Variants in SYNE2 observed in about 807,000 individuals in gnomAD.
SYNE2 encodes the protein nesprin-2.
In SYNE2, 431 loss-of-function variants were observed where a neutral mutation model predicts 856.3. That is an observed-to-expected ratio of 0.50 (90% CI 0.47 to 0.55). The LOEUF is 0.55. Ranked by LOEUF, SYNE2 falls within the 20% of genes least tolerant of loss-of-function variation. The pLI is 0.00. For missense variants in SYNE2, 8,129 were observed against 8,023.2 expected (o/e 1.01, Z -0.50); for synonymous variants, 2,923 against 2,872.3 (o/e 1.02, Z -0.56).
In SYNE2 at chr14:64,053,536, C is replaced by T. The variant is rs976111716; in HGVS notation, c.9623C>T (p.Ala3208Val). The T allele has an allele frequency of 7.4e-6, 12 of 1,614,122 alleles. No homozygotes were observed. Among genetic ancestry groups the T allele is most frequent in the Non-Finnish European group, 1.0e-5 (12 of 1,180,052 alleles). The change falls in exon 48 of 116, where the codon GCT becomes GTT. Residue 3208 changes from alanine to valine, a missense_variant. Around this residue, in one of 3 missense-constraint regions of SYNE2, gnomAD observed 5,410 missense variants for 5,284.8 expected, o/e 1.02. Transcript: ENST00000555002. ...TGGGCAGAAATGTGTAGTATTAAAG[C>T]TGTGACTGCTATTGAGAAACAAAGA... ...QVWAEMCSIK[A>V]VTAIEKQREE... is the part of the protein sequence containing the mutation.
chr14:64,166,994 T>TTGA, intron 90 of SYNE2: 1 of 561,986 alleles, frequency 1.8e-6, no homozygotes, highest in South Asian at 2.1e-5. Context: ...CTGAGATAAC[T>TTGA]TTCTATTTCC....
chr14:64,225,036 C>G lies in SYNE2; in HGVS notation c.20507C>G (p.Thr6836Arg). ...AGAACTACAGAAGGCGAGGAGGAGA[C>G]AGAGAGCAGGTAACGGGGCTTTACC... is the stretch of plus-strand genomic sequence containing the variant. ...AVRTTEGEEE[T>R]ESRVPGSTRP... Residue 6836 changes from threonine (T) to arginine (R), a missense_variant, in exon 115 of 116, where the codon ACA (threonine) becomes AGA (arginine). Transcript: ENST00000555002. 6.2e-7 allele frequency: 1 copy of G among 1,613,874 alleles called. No individual in the cohort carries two copies. The highest frequency in any genetic ancestry group is 8.5e-7 in the Non-Finnish European group (1 of 1,179,954).
chr14:63,990,184 T>C (rs1257287059), intron 19 of SYNE2, among the ~76,000 whole-genome samples: 2 of 152,228 alleles, frequency 1.3e-5, no homozygotes, highest in African/African-American at 2.4e-5. Context: ...TTCTTTATTT[T>C]ATTGAAGTGC....
intron 1 of SYNE2, among the ~76,000 whole-genome samples, chr14:63,868,998 A>G (rs1332879423): frequency 6.6e-6 from 1 of 152,244 alleles, no homozygotes; most frequent in African/African-American, 2.4e-5. Context: ...AGCAAGAGAG[A>G]AAAATCTTAA....
At chr14:64,097,760 C>A (rs2097689082) in intron 61 of SYNE2, among the ~76,000 whole-genome samples, 189 bp from the exon 62 acceptor site, 2 of 152,320 alleles carry the variant, frequency 1.3e-5, no homozygotes, top group Non-Finnish European at 1.5e-5. Context: ...AGCTTATAAA[C>A]CCTACACAGG....
chr14:64,158,020 T>G (rs2098299524), intron 85 of SYNE2, among the ~76,000 whole-genome samples: 1 of 152,234 alleles, frequency 6.6e-6, no homozygotes, highest in Admixed American at 6.5e-5. Context: ...TGGACTTTTT[T>G]CATCATTATC....
intron 2 of SYNE2, among the ~76,000 whole-genome samples, chr14:63,912,674 G>C (rs1001134680): frequency 2.1e-4 from 32 of 152,230 alleles, no homozygotes; most frequent in African/African-American, 7.7e-4. Context: ...TGAGACAATT[G>C]TGGCAACACC....
chr14:64,182,961 C>T (rs1280781819), intron 96 of SYNE2, among the ~76,000 whole-genome samples: 2 of 151,960 alleles, frequency 1.3e-5, no homozygotes, highest in African/African-American at 4.8e-5. Context: ...GAAGGGGCGG[C>T]CGGGCAGAGG....
At position 64,052,215 on chromosome 14, in the gene SYNE2, T is replaced by A; in HGVS notation, c.8302T>A (p.Cys2768Ser). 1 of 1,614,168 alleles carries A rather than the reference T, an allele frequency of 6.2e-7. No individual in the cohort carries two copies. The highest frequency in any genetic ancestry group is 8.5e-7 in the Non-Finnish European group (1 of 1,180,034). Residue 2768 changes from cysteine (C) to serine (S), a missense_variant, in exon 48 of 116, where the codon TGC becomes AGC. Coordinates refer to ENST00000555002, the MANE Select transcript of SYNE2 (RefSeq NM_182914.3). ...TGACATTCTTTCACAGATCAGAAAG[T>A]GCAAAGTGACACATGATGGCATTCT... ...PDDILSQIRK[C>S]KVTHDGILAR...
chr14:64,103,446 A>G (rs1034595715), intron 64 of SYNE2, among the ~76,000 whole-genome samples: 17 of 151,088 alleles, frequency 1.1e-4, no homozygotes, highest in Admixed American at 7.9e-4. Context: ...AATATTTTCC[A>G]GTCTCTCAAA....
chr14:63,977,944 C>T lies in SYNE2; in HGVS notation c.1333C>T (p.Leu445Phe). 6.2e-7 allele frequency: 1 copy of T among 1,613,946 alleles called. No individual in the cohort carries two copies. The highest frequency in any genetic ancestry group is 8.5e-7 in the Non-Finnish European group (1 of 1,179,882). Residue 445 changes from leucine to phenylalanine, a missense_variant, in exon 13 of 116, where the codon CTT becomes TTT. Leu to Phe is a conservative substitution (Grantham distance 22). Transcript: ENST00000555002. Reference sequence around the variant, plus strand: ...ATTTGAGCATCATTCGAACATTCTCCTTACCTTTGAAAATAAGGATGAAAA... The same window carrying T: ...ATTTGAGCATCATTCGAACATTCTCTTTACCTTTGAAAATAAGGATGAAAA... ...DRFEHHSNIL[L>F]TFENKDENHL...
intron 30 of SYNE2, among the ~76,000 whole-genome samples, chr14:64,006,431 T>C (rs2096796564): frequency 6.6e-6 from 1 of 152,170 alleles, no homozygotes; most frequent in South Asian, 2.1e-4. Flanking sequence ...CTCTCTCTTT[T>C]CTCTCGTGTG....
rs1254926495 is a variant in SYNE2, at chr14:64,210,050, C to G, written c.18649C>G (p.Gln6217Glu). The change falls in exon 103 of 116, where the codon CAG becomes GAG. Residue 6217 changes from glutamine to glutamate, a missense_variant. Gln to Glu is a conservative substitution (Grantham distance 29). Transcript: ENST00000555002. ...NRTDTASRLK[Q>E]MVHEGNQRWD... Reference sequence around the variant, plus strand: ...CACAGACACGGCCAGCAGGCTGAAGCAGATGGTCCACGAGGGCAACCAGCG... The same window carrying G: ...CACAGACACGGCCAGCAGGCTGAAGGAGATGGTCCACGAGGGCAACCAGCG... 1.2e-6 allele frequency: 2 copies of G among 1,614,154 alleles called. No individual in the cohort carries two copies. The highest frequency in any genetic ancestry group is 1.7e-5 in the Admixed American group (1 of 60,028).
chr14:64,004,331 T>TTTTG (rs1053014867), intron 30 of SYNE2, among the ~76,000 whole-genome samples: 1 of 151,226 alleles, frequency 6.6e-6, no homozygotes, highest in Admixed American at 6.6e-5. Flanking sequence ...ACCGTTGTTT[T>TTTTG]TTTGTTTGTT....
rs761401589 is a variant in SYNE2, at chr14:63,981,009, A to C, written c.1672A>C (p.Lys558Gln). 19 of 1,564,450 alleles carry C rather than the reference A, an allele frequency of 1.2e-5. No homozygotes were observed. The highest frequency in any genetic ancestry group is 1.7e-4 in the Middle Eastern group (1 of 5,840). Reference protein sequence around the residue: ...NLAGECQNINKQYMMVKSDVC... With the variant: ...NLAGECQNINQQYMMVKSDVC... Reference sequence around the variant, plus strand: ...AGCTGGAGAATGTCAGAATATTAATAAACAGTATATGATGGTGAAATCTGA... The same window carrying C: ...AGCTGGAGAATGTCAGAATATTAATCAACAGTATATGATGGTGAAATCTGA... The change falls in exon 16 of 116, where the codon AAA becomes CAA. Residue 558 changes from lysine (K) to glutamine (Q), a missense_variant. Physicochemically the swap from Lys to Gln is moderately conservative, Grantham distance 53. This residue lies in a region of SYNE2 where 2,422 missense variants were observed against 2,357.4 expected (regional missense o/e 1.03). Transcript: ENST00000555002.
At position 64,140,050 on chromosome 14, in the gene SYNE2, A is replaced by G. The variant is rs1421036081; in HGVS notation, c.14953A>G (p.Arg4985Gly). ...TGTGTCTCAGGACTTGGATACAATC[A>G]GAAGCAACATCAACAATTTTTTTGT... is the stretch of plus-strand genomic sequence containing the variant. ...LNVSQDLDTI[R>G]SNINNFFEFS... The change falls in exon 80 of 116, where the codon AGA (arginine) becomes GGA (glycine). Residue 4985 changes from arginine to glycine, a missense_variant. By Grantham distance (125) the Arg-to-Gly change is moderately radical. Coordinates refer to ENST00000555002, the MANE Select transcript of SYNE2 (RefSeq NM_182914.3). The G allele has an allele frequency of 1.2e-6, 2 of 1,613,954 alleles. No individual in the cohort carries two copies. Among genetic ancestry groups the G allele is most frequent in the South Asian group, 2.2e-5 (2 of 91,084 alleles).
At chr14:64,168,777 C>T (rs536091270) in intron 92 of SYNE2, 100 bp from the exon 93 acceptor site, 2 of 833,400 alleles carry the variant, frequency 2.4e-6, no homozygotes, top group Non-Finnish European at 4.0e-6. Flanking sequence ...AATTATCCCT[C>T]ATATCCTTTG....
At chr14:64,221,523 C>G (rs1340220371) in intron 111 of SYNE2, 53 bp from the exon 112 acceptor site, 10 of 1,614,054 alleles carry the variant, frequency 6.2e-6, no homozygotes, top group Non-Finnish European at 8.5e-6. Context: ...TCCTGGCACA[C>G]CCTCTTCCAG....
chr14:63,762,591 CT>C (rs1566550731), intron 1 of SYNE2, among the ~76,000 whole-genome samples: 1 of 44,328 alleles, frequency 2.3e-5, no homozygotes, highest in Non-Finnish European at 5.1e-5. Context: ...ATAATTTTTT[CT>C]TTCTTTTTTT....
Sources: gnomAD v4.1 joint callset for allele counts (sites outside exome capture counted in the v4.1 genomes callset) on GRCh38, gnomAD v4.1.1 for gene constraint, gnomAD v4.1.1 regional missense constraint, MANE v1.5 for transcripts, NCBI Gene and HGNC (gene_info 2026-07-23, HGNC 2026-07-21) for gene names.